NME1: variants seen among roughly 807,000 people sequenced by gnomAD.
NME1 encodes nucleoside diphosphate kinase A.
A neutral mutation model predicts 17.2 loss-of-function variants in NME1; 9 were observed. The observed-to-expected ratio is 0.52, with a 90% CI of 0.32 to 0.92. The LOEUF (loss-of-function observed/expected upper bound fraction) is 0.92, where lower values mean the gene tolerates loss of function less well. NME1 is among the 40% of genes least tolerant of loss of function. NME1 has a pLI of 0.04. For synonymous variants in NME1, 72 were observed against 70.8 expected (o/e 1.02, Z -0.09); for missense variants, 169 against 201.7 (o/e 0.84, Z 0.98).
At chr17:51,158,728 G>C (rs1394768094) in intron 2 of NME1, among the ~76,000 whole-genome samples, 1 of 152,204 alleles carries the variant, frequency 6.6e-6, no homozygotes, top group Non-Finnish European at 1.5e-5. Context: ...GCGTCATACA[G>C]TGCAGTACCA....
Position 51,161,150 on chromosome 17 carries a change from G to A in NME1, c.229-10G>A, listed in dbSNP as rs367786610. Reference sequence around the variant, plus strand: ...TTCTTCTTTGACCATATCTTCTTCTGTCCTTGGAGGTCTGGGAGGGGCTGA... The same window carrying A: ...TTCTTCTTTGACCATATCTTCTTCTATCCTTGGAGGTCTGGGAGGGGCTGA... On this transcript the variant is annotated splice_polypyrimidine_tract_variant and intron_variant, in intron 3 of 4. Coordinates refer to ENST00000393196, the MANE Select transcript of NME1 (RefSeq NM_000269.3). The A allele has an allele frequency of 1.2e-5, 19 of 1,605,520 alleles. No homozygotes were observed. Among genetic ancestry groups the A allele is most frequent in the Middle Eastern group, 1.6e-4 (1 of 6,076 alleles).
At chr17:51,160,204 G>C (rs747784154) in intron 3 of NME1, 123 bp downstream of exon 3, 31 of 1,005,090 alleles carry the variant, frequency 3.1e-5, no homozygotes, top group Non-Finnish European at 4.5e-5. Flanking sequence ...TCATATACCA[G>C]CTAATGGTTA....
At chr17:51,160,732 C>G in intron 3 of NME1, 1 of 318,848 alleles carries the variant, frequency 3.1e-6, no homozygotes, top group Admixed American at 4.6e-5. Context: ...GCCTTAGCCT[C>G]CTGAGTAGCT....
chr17:51,156,068 G>C (rs2049781523), intron 2 of NME1: 1 of 373,338 alleles, frequency 2.7e-6, no homozygotes, highest in Admixed American at 3.7e-5. Flanking sequence ...CTGACTGAGA[G>C]CTGAGCATGT....
chr17:51,161,763 C>T lies in NME1; in HGVS notation c.377C>T (p.Ala126Val). 6.2e-7 allele frequency: 1 copy of T among 1,613,868 alleles called. No individual in the cohort carries two copies. Among genetic ancestry groups the T allele is most frequent in the Non-Finnish European group, 8.5e-7 (1 of 1,179,754 alleles). Residue 126 changes from alanine to valine, a missense_variant, in exon 5 of 5, where the codon GCA becomes GTA. Physicochemically the swap from Ala to Val is moderately conservative, Grantham distance 64. Coordinates refer to ENST00000393196, the MANE Select transcript of NME1 (RefSeq NM_000269.3). Reference protein sequence around the residue: ...IIHGSDSVESAEKEIGLWFHP... With the variant: ...IIHGSDSVESVEKEIGLWFHP... ...CATGGCAGTGATTCTGTGGAGAGTGCAGAGAAGGAGATCGGCTTGTGGTTT... is the reference window on the plus strand; with the variant it reads ...CATGGCAGTGATTCTGTGGAGAGTGTAGAGAAGGAGATCGGCTTGTGGTTT...
In NME1 at chr17:51,161,188, C is replaced by A. The variant is rs138270461; in HGVS notation, c.257C>A (p.Thr86Lys). Residue 86 changes from threonine (T) to lysine (K), a missense_variant, in exon 4 of 5, where the codon ACG becomes AAG. Physicochemically the swap from Thr to Lys is moderately conservative, Grantham distance 78. Transcript: ENST00000393196. Reference protein sequence around the residue: ...MVWEGLNVVKTGRVMLGETNP... With the variant: ...MVWEGLNVVKKGRVMLGETNP... ...TGGGAGGGGCTGAATGTGGTGAAGA[C>A]GGGCCGAGTCATGCTCGGGGAGACC... 19 of 1,612,026 alleles carry A rather than the reference C, an allele frequency of 1.2e-5. No individual in the cohort carries two copies. The highest frequency in any genetic ancestry group is 1.4e-5 in the Non-Finnish European group (17 of 1,179,266).
At chr17:51,154,118 A>G (rs1439256820) in intron 1 of NME1, 2 of 500,172 alleles carry the variant, frequency 4.0e-6, no homozygotes, top group Non-Finnish European at 7.3e-6. Context: ...CCCGCACCCC[A>G]TCGTGCGATT....
In NME1 at chr17:51,162,028, T is replaced by C. The variant is rs112931545; in HGVS notation, c.*183T>C. On this transcript the variant is annotated 3_prime_UTR_variant, in exon 5 of 5. Coordinates refer to ENST00000393196, the MANE Select transcript of NME1 (RefSeq NM_000269.3). ...CCGACCATCTGATTAAAATGCTTCC[T>C]CCCAGCATAGGATTCATTGAGTTGG... 2 of 585,634 alleles carry C rather than the reference T, an allele frequency of 3.4e-6. No homozygotes were observed. The highest frequency in any genetic ancestry group is 3.1e-6 in the Non-Finnish European group (1 of 326,002). The allele number at this position is 585,634 out of a possible 1,614,324, so 36.3% of individuals were successfully genotyped here.
rs1247139396 is a variant in NME1 at position 51,161,807 on chromosome 17, G to C, written c.421G>C (p.Asp141His). The change falls in exon 5 of 5, where the codon GAT becomes CAT. Residue 141 changes from aspartate to histidine, a missense_variant. By Grantham distance (81) the Asp-to-His change is moderately conservative. Coordinates refer to ENST00000393196, the MANE Select transcript of NME1 (RefSeq NM_000269.3). Reference sequence around the variant, plus strand: ...GTGGTTTCACCCTGAGGAACTGGTAGATTACACGAGCTGTGCTCAGAACTG... The same window carrying C: ...GTGGTTTCACCCTGAGGAACTGGTACATTACACGAGCTGTGCTCAGAACTG... ...GLWFHPEELV[D>H]YTSCAQNWIY... is the part of the protein sequence containing the mutation. 8 of 1,613,896 alleles carry C rather than the reference G, an allele frequency of 5.0e-6. No individual in the cohort carries two copies. The highest frequency in any genetic ancestry group is 5.9e-6 in the Non-Finnish European group (7 of 1,179,798).
rs1301404916 is a variant in NME1 at position 51,159,971 on chromosome 17, G to A, written c.127-9G>A. ...GGGGGTTATTCTCATTCTCTGTCCT[G>A]TTGAATAGGCTTCCGAAGATCTTCT... On this transcript the variant is annotated splice_polypyrimidine_tract_variant and intron_variant, in intron 2 of 4. Transcript: ENST00000393196. The A allele has an allele frequency of 2.2e-5, 36 of 1,614,120 alleles. No individual in the cohort carries two copies. The highest frequency in any genetic ancestry group is 3.1e-5 in the Non-Finnish European group (36 of 1,179,982).
chr17:51,154,209 T>G (rs901218240), intron 1 of NME1: 6 of 627,198 alleles, frequency 9.6e-6, no homozygotes, highest in East Asian at 2.7e-5. Context: ...TTTTCTTTGC[T>G]CCTATTGACT....
chr17:51,155,530 G>C, intron 1 of NME1, 121 bp from the exon 2 acceptor site: 1 of 1,465,718 alleles, frequency 6.8e-7, no homozygotes, highest in African/African-American at 1.4e-5. Flanking sequence ...TTTTACCAGA[G>C]GGAGACCTGG....
At chr17:51,155,366 T>C (rs2049770750) in intron 1 of NME1, among the ~76,000 whole-genome samples, 1 of 151,888 alleles carries the variant, frequency 6.6e-6, no homozygotes, top group South Asian at 2.1e-4. Flanking sequence ...GTGGGCAACA[T>C]AGCGAAACCC....
At chr17:51,156,084 T>A (rs571336516) in intron 2 of NME1, 86 of 366,220 alleles carry the variant, frequency 2.3e-4, no homozygotes, top group Non-Finnish European at 4.1e-4. Context: ...CATGTTTGAG[T>A]TCTTGGTCTT....
At chr17:51,160,846 G>A (rs2049854780) in intron 3 of NME1, among the ~76,000 whole-genome samples, 2 of 151,992 alleles carry the variant, frequency 1.3e-5, no homozygotes, top group African/African-American at 4.8e-5. Flanking sequence ...TCCTGACCTC[G>A]TGATCCACTC....
chr17:51,155,929 T>A, intron 2 of NME1, 149 bp downstream of exon 2: 1 of 1,290,150 alleles, frequency 7.8e-7, no homozygotes, highest in Non-Finnish European at 1.1e-6. Context: ...CTCAGTGCCC[T>A]AGCGTTTGGC....
intron 2 of NME1, among the ~76,000 whole-genome samples, chr17:51,156,823 T>TGG (rs1568120723): frequency 7.5e-6 from 1 of 133,426 alleles, no homozygotes; most frequent in Non-Finnish European, 1.6e-5. Flanking sequence ...ACTGGGGAGG[T>TGG]GGAGGTTGCA....
intron 1 of NME1, chr17:51,154,423 C>T (rs201090758): frequency 1.2e-6 from 2 of 1,614,086 alleles, no homozygotes; most frequent in East Asian, 2.2e-5. Context: ...GAGGGGCCTC[C>T]TATCTCAAGC....
chr17:51,157,341 T>G (rs1050500362), intron 2 of NME1, among the ~76,000 whole-genome samples: 5 of 152,256 alleles, frequency 3.3e-5, no homozygotes, highest in Non-Finnish European at 5.9e-5. Context: ...TGCTGTATCA[T>G]CCCATGACAG....
Sources: gnomAD v4.1 joint callset for allele counts (sites outside exome capture counted in the v4.1 genomes callset) on GRCh38, gnomAD v4.1.1 for gene constraint, MANE v1.5 for transcripts, NCBI Gene and HGNC (gene_info 2026-07-23, HGNC 2026-07-21) for gene names.